The following SCN8A variants were observed in gnomAD, a reference collection of about 807,000 sequenced individuals.
SCN8A encodes the protein sodium voltage-gated channel alpha subunit 8.
In SCN8A, 30 loss-of-function variants were observed where a neutral mutation model predicts 184.1. The observed-to-expected ratio is 0.16, with a 90% confidence interval of 0.12 to 0.22. The LOEUF (loss-of-function observed/expected upper bound fraction) is 0.22. SCN8A is among the 10% of genes least tolerant of loss of function. The pLI, the probability that SCN8A is intolerant of heterozygous loss-of-function variation, is 1.00. For synonymous variants in SCN8A, 852 were observed against 907.0 expected, an observed-to-expected ratio of 0.94 and a Z score of 1.09; for missense variants, 1,057 against 2,498.9, an observed-to-expected ratio of 0.42 and a Z score of 12.30.
chr12:51,735,351 G>A (rs77699409), intron 12 of SCN8A, among the ~76,000 whole-genome samples: 3,981 of 152,188 alleles, frequency 0.026, 165 homozygotes, highest in African/African-American at 0.088. Flanking sequence ...GTTTTGCAAA[G>A]CAATCTTCCT....
intron 1 of SCN8A, among the ~76,000 whole-genome samples, chr12:51,624,694 A>G (rs981649180): frequency 1.6e-4 from 25 of 152,248 alleles, no homozygotes; most frequent in East Asian, 7.7e-4. Flanking sequence ...GCCCATGCCT[A>G]TGTCCTGAAT....
At chr12:51,656,744 A>C (rs1385131542) in intron 1 of SCN8A, among the ~76,000 whole-genome samples, 1 of 152,100 alleles carries the variant, frequency 6.6e-6, no homozygotes, top group Non-Finnish European at 1.5e-5. Flanking sequence ...AACATGAGAA[A>C]ATGCATCAGT....
chr12:51,698,737 G>A (rs1941635925), intron 6 of SCN8A, among the ~76,000 whole-genome samples: 1 of 152,144 alleles, frequency 6.6e-6, no homozygotes, highest in Non-Finnish European at 1.5e-5. Context: ...ATTGTAGAAA[G>A]CAGGGAATGT....
Position 51,786,754 on chromosome 12 carries a change from A to C in SCN8A, c.4155A>C (p.Thr1385=), listed in dbSNP as rs144424662. ...ECEKLMEGNN[T]EIRWKNVKIN... is the part of the protein sequence containing the mutation. ...AAAAGCTTATGGAGGGGAACAATAC[A>C]GAGATCAGATGGAAGAACGTGAAGA... is the stretch of plus-strand genomic sequence containing the variant. The change falls in exon 22 of 27, where the codon ACA becomes ACC. Residue 1385 remains threonine, a synonymous_variant. Transcript: ENST00000627620. 122 of 1,614,038 alleles carry C rather than the reference A, an allele frequency of 7.6e-5. No homozygotes were observed. The African/African-American group carries it at 1.5e-3, about 20-fold the overall frequency.
chr12:51,769,799 AGAG>A (rs1942894793), intron 17 of SCN8A, 66 bp from the exon 18 acceptor site: 1 of 989,432 alleles, frequency 1.0e-6, no homozygotes, highest in Non-Finnish European at 1.6e-6. Flanking sequence ...CACCAGAGGC[AGAG>A]TTCTCAGTGT....
At chr12:51,787,806 A>G (rs940554755) in intron 22 of SCN8A, among the ~76,000 whole-genome samples, 1 of 152,224 alleles carries the variant, frequency 6.6e-6, no homozygotes, top group African/African-American at 2.4e-5. Flanking sequence ...GTAGAAGGCA[A>G]AGTTCATGGA....
chr12:51,674,230 C>G (rs1351934290), intron 2 of SCN8A, among the ~76,000 whole-genome samples: 1 of 152,230 alleles, frequency 6.6e-6, no homozygotes, highest in Non-Finnish European at 1.5e-5. Context: ...CTAGTGCAGC[C>G]TTGCTCTGGA....
intron 1 of SCN8A, among the ~76,000 whole-genome samples, chr12:51,614,938 T>C (rs1264258940): frequency 6.6e-6 from 1 of 152,124 alleles, no homozygotes; most frequent in Non-Finnish European, 1.5e-5. Context: ...TGTTCAATGT[T>C]GTACAGGAGA....
At chr12:51,604,587 T>C (rs1939543417) in intron 1 of SCN8A, among the ~76,000 whole-genome samples, 1 of 152,070 alleles carries the variant, frequency 6.6e-6, no homozygotes, top group Non-Finnish European at 1.5e-5. Flanking sequence ...CTGGAGTGCA[T>C]GTCACGATCT....
intron 9 of SCN8A, among the ~76,000 whole-genome samples, chr12:51,703,233 GT>G (rs1254851381): frequency 1.2e-5 from 1 of 86,228 alleles, no homozygotes; most frequent in Non-Finnish European, 2.8e-5. Context: ...GTTAGGGTTT[GT>G]TTTTTTTGTT....
chr12:51,632,666 A>C (rs954770189), intron 1 of SCN8A, among the ~76,000 whole-genome samples: 1 of 152,192 alleles, frequency 6.6e-6, no homozygotes, highest in African/African-American at 2.4e-5. Flanking sequence ...TTTTAATATG[A>C]AATATAAGAA....
chr12:51,709,293 G>A (rs1941834214), intron 11 of SCN8A, among the ~76,000 whole-genome samples: 1 of 152,200 alleles, frequency 6.6e-6, no homozygotes, highest in Non-Finnish European at 1.5e-5. Flanking sequence ...GAGCTGAGAG[G>A]TGGTGATTGA....
chr12:51,696,900 A>C (rs567166261), intron 6 of SCN8A, among the ~76,000 whole-genome samples: 1 of 152,058 alleles, frequency 6.6e-6, no homozygotes, highest in East Asian at 1.9e-4. Flanking sequence ...TAGCCAGGGC[A>C]TGGTGGCGGG....
rs933529422 is a variant in SCN8A at position 51,727,747 on chromosome 12, G to A, written c.1998+5839G>A. On this transcript the variant is annotated intron_variant, in intron 12 of 26. Transcript: ENST00000627620. ...GGAGGCTGAGGCGGGCAGATCGTTT[G>A]AGGTCAGGAGTTTGAGACCAACCTG... 2.6e-5 allele frequency among the ~76,000 whole-genome samples: 4 copies of A among 152,164 alleles called. No individual in the cohort carries two copies. The South Asian group carries it at 8.3e-4, about 31-fold the overall frequency.
At chr12:51,789,122 C>T (rs1375811199) in intron 23 of SCN8A, among the ~76,000 whole-genome samples, 159 bp from the exon 24 acceptor site, 1 of 152,172 alleles carries the variant, frequency 6.6e-6, no homozygotes, top group Admixed American at 6.5e-5. Flanking sequence ...CAAGGCAGGC[C>T]ATGCCAGTGT....
At chr12:51,608,874 C>G (rs972753350) in intron 1 of SCN8A, among the ~76,000 whole-genome samples, 1 of 152,096 alleles carries the variant, frequency 6.6e-6, no homozygotes, top group Admixed American at 6.5e-5. Context: ...CGTTTAGGGC[C>G]GTGAACTTTC....
chr12:51,762,745 A>C, intron 15 of SCN8A, 69 bp downstream of exon 15: 2 of 1,328,322 alleles, frequency 1.5e-6, no homozygotes, highest in Non-Finnish European at 2.0e-6. Flanking sequence ...GTTCTGCATA[A>C]ATTAATTTGA....
chr12:51,598,486 A>G (rs993365741), intron 1 of SCN8A, among the ~76,000 whole-genome samples: 32 of 152,040 alleles, frequency 2.1e-4, no homozygotes, highest in African/African-American at 7.5e-4. Flanking sequence ...AAACTGGAGA[A>G]TATTTTCTTG....
intron 25 of SCN8A, among the ~76,000 whole-genome samples, chr12:51,793,450 G>A (rs1353812534): frequency 6.6e-6 from 1 of 152,178 alleles, no homozygotes; most frequent in Non-Finnish European, 1.5e-5. Context: ...TCAAGAAGAA[G>A]TGGCAAGAAA....
Sources: allele counts gnomAD v4.1 joint callset (sites outside exome capture counted in the v4.1 genomes callset), GRCh38; gene constraint gnomAD v4.1.1; transcripts MANE v1.5; gene names NCBI Gene and HGNC (gene_info 2026-07-23, HGNC 2026-07-21).